Variants in KAT6A observed in about 807,000 individuals in gnomAD.
KAT6A encodes the protein lysine acetyltransferase 6A, also known as histone acetyltransferase KAT6A.
In KAT6A, 9 loss-of-function variants were observed where a neutral mutation model predicts 198.4. The observed-to-expected ratio is 0.05, with a 90% CI of 0.03 to 0.08. KAT6A has a LOEUF of 0.08. Among genes scored for constraint, KAT6A ranks in the 10% least tolerant of loss-of-function variants. The probability of loss-of-function intolerance (pLI) is 1.00; values close to 1 mark genes in which losing one functional copy is unlikely to be tolerated. For missense variants in KAT6A, 2,077 were observed against 2,509.9 expected, an observed-to-expected ratio of 0.83 and a Z score of 3.69; for synonymous variants, 890 against 883.0, an observed-to-expected ratio of 1.01 and a Z score of -0.14.
intron 2 of KAT6A, among the ~76,000 whole-genome samples, chr8:41,996,130 T>C (rs892274867): frequency 6.6e-6 from 1 of 152,244 alleles, no homozygotes; most frequent in South Asian, 2.1e-4. Flanking sequence ...GAACCTGTTT[T>C]ATTATATGCA....
intron 2 of KAT6A, among the ~76,000 whole-genome samples, chr8:42,009,886 C>T (rs1308274447): frequency 7.9e-6 from 1 of 126,100 alleles, no homozygotes; most frequent in African/African-American, 3.2e-5. Flanking sequence ...CAGGACAAAG[C>T]CCTGTCTCAA....
chr8:41,980,970 G>T, intron 4 of KAT6A, 43 bp from the exon 5 acceptor site: 1 of 1,302,740 alleles, frequency 7.7e-7, no homozygotes, highest in Non-Finnish European at 1.1e-6. Flanking sequence ...ACCTTATGAA[G>T]CAGAAACATG....
intron 2 of KAT6A, among the ~76,000 whole-genome samples, chr8:42,015,980 T>C (rs1826253743): frequency 6.6e-6 from 1 of 152,206 alleles, no homozygotes; most frequent in South Asian, 2.1e-4. Context: ...CAAATGCAGA[T>C]GAGGCAAAGA....
intron 14 of KAT6A, chr8:41,942,104 G>T: frequency 5.1e-6 from 1 of 197,168 alleles, no homozygotes. Context: ...ATGAAGCACT[G>T]CTTAAAAAAA....
At chr8:41,975,876 A>C (rs1430993741) in intron 7 of KAT6A, among the ~76,000 whole-genome samples, 2 of 152,198 alleles carry the variant, frequency 1.3e-5, no homozygotes, top group Non-Finnish European at 2.9e-5. Flanking sequence ...ACAAATGGTT[A>C]ATTCAAAAAT....
intron 2 of KAT6A, among the ~76,000 whole-genome samples, chr8:42,013,640 T>C (rs1826126719): frequency 6.6e-6 from 1 of 152,256 alleles, no homozygotes; most frequent in Admixed American, 6.5e-5. Flanking sequence ...GCTCCTATCC[T>C]AACCAAGATT....
chr8:42,035,252 A>G (rs1445771704), intron 2 of KAT6A, among the ~76,000 whole-genome samples: 1 of 152,230 alleles, frequency 6.6e-6, no homozygotes, highest in Non-Finnish European at 1.5e-5. Flanking sequence ...TAAGCATCAG[A>G]ATCGATGGCA....
At position 41,932,766 on chromosome 8, in the gene KAT6A, G is replaced by A. The variant is rs771968338; in HGVS notation, c.5454C>T (p.Ser1818=). 2 of 1,614,240 alleles carry A rather than the reference G, an allele frequency of 1.2e-6. No individual in the cohort carries two copies. The highest frequency in any genetic ancestry group is 1.7e-6 in the Non-Finnish European group (2 of 1,180,036). ...ATMTPPPNLA[S]TTMNLTSPLL... is the part of the protein sequence containing the mutation. ...GAGGAGATGTGAGGTTCATGGTAGT[G>A]GATGCCAAGTTTGGGGGTGGCGTCA... Residue 1818 remains serine (S), a synonymous_variant, in exon 17 of 17, where the codon TCC becomes TCT. Coordinates refer to ENST00000265713, the MANE Select transcript of KAT6A (RefSeq NM_006766.5).
intron 2 of KAT6A, among the ~76,000 whole-genome samples, chr8:42,012,210 A>T (rs1428570002): frequency 6.6e-6 from 1 of 152,208 alleles, no homozygotes; most frequent in African/African-American, 2.4e-5. Flanking sequence ...TATAAAAGTT[A>T]AACATACCAT....
intron 8 of KAT6A, among the ~76,000 whole-genome samples, chr8:41,968,985 TTAGA>T (rs756832549): frequency 4.9e-4 from 74 of 152,322 alleles, no homozygotes; most frequent in Non-Finnish European, 8.8e-4. Context: ...TATCTTTGAC[TTAGA>T]TAATGTTCCA....
chr8:42,002,656 T>C (rs892688908), intron 2 of KAT6A, among the ~76,000 whole-genome samples: 2 of 152,334 alleles, frequency 1.3e-5, no homozygotes, highest in Non-Finnish European at 2.9e-5. Context: ...TAATCTGTTT[T>C]TTTGTTAAAT....
At chr8:42,051,283 G>A (rs1226991051) in intron 1 of KAT6A, among the ~76,000 whole-genome samples, 2 of 152,010 alleles carry the variant, frequency 1.3e-5, no homozygotes, top group Admixed American at 6.5e-5. Flanking sequence ...CAGCCCGGCA[G>A]ACACAACACC....
chr8:41,985,112 T>G (rs1415697023), intron 3 of KAT6A, among the ~76,000 whole-genome samples: 1 of 152,028 alleles, frequency 6.6e-6, no homozygotes, highest in Admixed American at 6.6e-5. Context: ...CAACACTTCC[T>G]CTCCTCGGTT....
Position 41,934,241 on chromosome 8 carries a change from T to C in KAT6A, c.3979A>G (p.Thr1327Ala), listed in dbSNP as rs1564005277. 1.9e-6 allele frequency: 3 copies of C among 1,614,048 alleles called. No individual in the cohort carries two copies. The highest frequency in any genetic ancestry group is 2.5e-6 in the Non-Finnish European group (3 of 1,180,020). ...TGTTCCTCTAGCTCCTTTTTCTTTG[T>C]GGACTCCAGGTGGCCATCATCCTCA... Reference protein sequence around the residue: ...DDEDDGHLESTKKKELEEQPT... With the variant: ...DDEDDGHLESAKKKELEEQPT... Residue 1327 changes from threonine (T) to alanine (A), a missense_variant, in exon 17 of 17, where the codon ACA becomes GCA. By Grantham distance (58) the Thr-to-Ala change is moderately conservative. This residue lies in a region of KAT6A where 375 missense variants were observed against 383.0 expected (regional missense o/e 0.98). Coordinates refer to ENST00000265713, the MANE Select transcript of KAT6A (RefSeq NM_006766.5).
intron 16 of KAT6A, 100 bp downstream of exon 16, chr8:41,937,156 T>C (rs182199789): frequency 2.7e-5 from 23 of 854,926 alleles, no homozygotes; most frequent in South Asian, 1.2e-4. Flanking sequence ...GCTTAGTGGG[T>C]TGTGTTCATT....
chr8:41,965,711 T>C (rs1823442074), intron 8 of KAT6A, among the ~76,000 whole-genome samples: 1 of 152,198 alleles, frequency 6.6e-6, no homozygotes, highest in Admixed American at 6.6e-5. Context: ...GGGTGGAACA[T>C]CTGTTGGGCA....
Position 41,941,176 on chromosome 8 carries a change from C to T in KAT6A, c.2705G>A (p.Cys902Tyr), listed in dbSNP as rs778245398. The change falls in exon 15 of 17, where the codon TGT becomes TAT. Residue 902 changes from cysteine to tyrosine, a missense_variant. Coordinates refer to ENST00000265713, the MANE Select transcript of KAT6A (RefSeq NM_006766.5). ...SSAPQEQYGECGEKSEATQEQ... is the reference protein window; with the variant it reads ...SSAPQEQYGEYGEKSEATQEQ... The stretch of plus-strand genomic sequence containing the variant: ...CTGGGTGGCTTCTGATTTCTCCCCA[C>T]ATTCTCCATATTGTTCCTGAGGAGC... 1 of 1,614,218 alleles carries T rather than the reference C, an allele frequency of 6.2e-7. No homozygotes were observed. Among genetic ancestry groups the T allele is most frequent in the Non-Finnish European group, 8.5e-7 (1 of 1,180,042 alleles).
rs1308362424 is a variant in KAT6A, at chr8:41,932,590, C to T, written c.5630G>A (p.Arg1877His). 8.1e-6 allele frequency: 13 copies of T among 1,614,040 alleles called. No individual in the cohort carries two copies. Among genetic ancestry groups the T allele is most frequent in the South Asian group, 3.3e-5 (3 of 91,078 alleles). The change falls in exon 17 of 17, where the codon CGT becomes CAT. Residue 1877 changes from arginine to histidine, a missense_variant. Physicochemically the swap from Arg to His is conservative, Grantham distance 29. Coordinates refer to ENST00000265713, the MANE Select transcript of KAT6A (RefSeq NM_006766.5). ...AAAHQQQLYG[R>H]SPSAVAMQAG... ...CTGCATGGCAACTGCCGATGGGCTA[C>T]GGCCATACAGCTGCTGCTGGTGAGC... is the stretch of plus-strand genomic sequence containing the variant.
At chr8:41,953,620 C>T (rs1822775312) in intron 9 of KAT6A, among the ~76,000 whole-genome samples, 1 of 152,092 alleles carries the variant, frequency 6.6e-6, no homozygotes, top group African/African-American at 2.4e-5. Flanking sequence ...ATTACAGGCA[C>T]CCACCACCAC....
Sources: gnomAD v4.1 joint callset for allele counts (sites outside exome capture counted in the v4.1 genomes callset) on GRCh38, gnomAD v4.1.1 for gene constraint, gnomAD v4.1.1 regional missense constraint, MANE v1.5 for transcripts, NCBI Gene and HGNC (gene_info 2026-07-23, HGNC 2026-07-21) for gene names.